The following KLF12 variants were observed in gnomAD, a reference collection of about 807,000 sequenced individuals.
The protein encoded by KLF12 is Krueppel-like factor 12.
Under a neutral mutation model 37.8 loss-of-function variants are expected in KLF12, and 9 were observed. The ratio of observed to expected loss-of-function variants is 0.24; its 90% confidence interval spans 0.14 to 0.42. The LOEUF is 0.42. KLF12 is among the 10% of genes least tolerant of loss of function. The pLI, the probability that KLF12 is intolerant of heterozygous loss-of-function variation, is 1.00. For synonymous variants in KLF12, 208 were observed against 202.1 expected (o/e 1.03, Z -0.25); for missense variants, 411 against 516.0 (o/e 0.80, Z 1.97).
chr13:74,191,480 G>A, the KLF12 span, among the ~76,000 whole-genome samples: 1 of 152,128 alleles, frequency 6.6e-6, no homozygotes, highest in East Asian at 1.9e-4. Context: ...AATCCTAGAA[G>A]GAGCTCATTT....
chr13:74,078,295 T>C (rs890077781), intron 1 of KLF12, among the ~76,000 whole-genome samples: 1 of 152,214 alleles, frequency 6.6e-6, no homozygotes, highest in Admixed American at 6.5e-5. Flanking sequence ...ACAGTGAAGC[T>C]CTGCAAATTA....
intron 1 of KLF12, among the ~76,000 whole-genome samples, chr13:74,096,493 A>C (rs762151412): frequency 3.9e-5 from 6 of 152,214 alleles, no homozygotes; most frequent in Non-Finnish European, 8.8e-5. Flanking sequence ...ATGTACACTA[A>C]ATAAAATGTG....
At chr13:74,022,668 C>CA (rs58422903) in intron 1 of KLF12, among the ~76,000 whole-genome samples, 12 of 136,500 alleles carry the variant, frequency 8.8e-5, no homozygotes, top group African/African-American at 2.5e-4. Context: ...AGGGTAAATC[C>CA]AAAAAAAAAA....
intron 1 of KLF12, among the ~76,000 whole-genome samples, chr13:74,005,220 A>G (rs1892380989): frequency 1.3e-5 from 2 of 152,188 alleles, no homozygotes; most frequent in Non-Finnish European, 2.9e-5. Flanking sequence ...CAAATAATAA[A>G]GAGCCTACAT....
rs1873873098 is a variant in KLF12 at position 73,692,424 on chromosome 13, G to A, written c.*3066C>T. 1 of 152,612 alleles carries A rather than the reference G, an allele frequency of 6.6e-6. No homozygotes were observed. The highest frequency in any genetic ancestry group is 2.1e-4 in the South Asian group (1 of 4,834). 9.5% of individuals were successfully genotyped at this position (152,612 alleles called of 1,614,324 possible). A position where few individuals can be genotyped will look rare whatever the true frequency, so the allele number is the denominator to read the frequency against. ...GCTTAAGTAGTTAATGGCTCTATGTGTATAAGTTCCCAACCATGCACATAT... is the reference window on the plus strand; with the variant it reads ...GCTTAAGTAGTTAATGGCTCTATGTATATAAGTTCCCAACCATGCACATAT... On this transcript the variant is annotated 3_prime_UTR_variant, in exon 8 of 8. Transcript: ENST00000377669.
At chr13:73,727,501 A>C (rs894005691) in intron 6 of KLF12, among the ~76,000 whole-genome samples, 1 of 152,204 alleles carries the variant, frequency 6.6e-6, no homozygotes, top group South Asian at 2.1e-4. Flanking sequence ...AAACCAATTT[A>C]CCATAAATGT....
At chr13:74,132,145 G>C (rs2139033602) in intron 1 of KLF12, among the ~76,000 whole-genome samples, 1 of 152,238 alleles carries the variant, frequency 6.6e-6, no homozygotes, top group East Asian at 1.9e-4. Context: ...GGGGTCCACT[G>C]TTTTAAATAA....
intron 4 of KLF12, among the ~76,000 whole-genome samples, chr13:73,818,989 G>C (rs1883383214): frequency 6.6e-6 from 1 of 152,184 alleles, no homozygotes; most frequent in African/African-American, 2.4e-5. Flanking sequence ...GGGGAGTGCA[G>C]GAACAAAGGG....
chr13:74,190,540 T>G, the KLF12 span, among the ~76,000 whole-genome samples: 1 of 152,194 alleles, frequency 6.6e-6, no homozygotes, highest in Non-Finnish European at 1.5e-5. Context: ...TTCTGGCTAC[T>G]TAATTTCTTT....
At chr13:74,058,661 T>C (rs943323010) in intron 1 of KLF12, among the ~76,000 whole-genome samples, 1 of 152,156 alleles carries the variant, frequency 6.6e-6, no homozygotes, top group African/African-American at 2.4e-5. Context: ...TTAAATAATA[T>C]ATGCAAAAGT....
At chr13:74,171,137 T>C in the KLF12 span, among the ~76,000 whole-genome samples, 1 of 152,194 alleles carries the variant, frequency 6.6e-6, no homozygotes, top group Non-Finnish European at 1.5e-5. Context: ...AGCTGGGCCT[T>C]CAAACCAGGT....
At chr13:73,842,957 TA>T (rs1341227456) in intron 4 of KLF12, among the ~76,000 whole-genome samples, 2 of 152,162 alleles carry the variant, frequency 1.3e-5, no homozygotes, top group Non-Finnish European at 2.9e-5. Context: ...AGTTAAGCAA[TA>T]AAAAAGTATA....
At chr13:74,184,799 A>G in the KLF12 span, among the ~76,000 whole-genome samples, 1 of 152,206 alleles carries the variant, frequency 6.6e-6, no homozygotes, top group Admixed American at 6.5e-5. Context: ...AGGCCAAAAT[A>G]TATAGAGAAA....
rs77117100 is a variant in KLF12, at chr13:74,057,700, T to A, written c.-31-62647A>T. Among the ~76,000 whole-genome samples, 150 of 152,292 alleles carry A rather than the reference T, an allele frequency of 9.8e-4. 4 individuals carry two copies. The East Asian group carries it at 0.024, about 24-fold the overall frequency. Reference sequence around the variant, plus strand: ...TATTCAACTATTTTAAAAGAGAATATATTATCAGCTCTTAAAATTGAGCAC... The same window carrying A: ...TATTCAACTATTTTAAAAGAGAATAAATTATCAGCTCTTAAAATTGAGCAC... On this transcript the variant is annotated intron_variant, in intron 1 of 7. Transcript: ENST00000377669.
intron 1 of KLF12, among the ~76,000 whole-genome samples, chr13:74,034,227 G>A (rs910065144): frequency 4.1e-5 from 6 of 147,958 alleles, no homozygotes; most frequent in South Asian, 2.1e-4. Flanking sequence ...CATGCCTGGC[G>A]AATTTTTTGT....
At chr13:74,167,458 G>T in the KLF12 span, among the ~76,000 whole-genome samples, 1 of 152,210 alleles carries the variant, frequency 6.6e-6, no homozygotes. Flanking sequence ...GAACAGTTTG[G>T]TTCTAAAGAG....
At chr13:73,981,934 G>A (rs1398058880) in intron 2 of KLF12, among the ~76,000 whole-genome samples, 1 of 151,716 alleles carries the variant, frequency 6.6e-6, no homozygotes, top group African/African-American at 2.4e-5. Context: ...GCTAAGAAAG[G>A]GACTAAAAGG....
the KLF12 span, among the ~76,000 whole-genome samples, chr13:74,256,245 A>G: frequency 6.6e-6 from 1 of 152,176 alleles, no homozygotes; most frequent in Non-Finnish European, 1.5e-5. Context: ...CACTGGAATC[A>G]GCATGGCCCA....
chr13:73,793,613 A>G (rs1280713157), intron 5 of KLF12, among the ~76,000 whole-genome samples: 1 of 152,218 alleles, frequency 6.6e-6, no homozygotes, highest in South Asian at 2.1e-4. Context: ...TGTCTTCATG[A>G]CTAGTATTTC....
Sources: gnomAD v4.1 joint callset for allele counts (sites outside exome capture counted in the v4.1 genomes callset) on GRCh38, gnomAD v4.1.1 for gene constraint, MANE v1.5 for transcripts, NCBI Gene and HGNC (gene_info 2026-07-23, HGNC 2026-07-21) for gene names.